Variants in GRIN2D observed in about 807,000 individuals in gnomAD.
GRIN2D encodes the protein glutamate ionotropic receptor NMDA type subunit 2D.
A neutral mutation model predicts 103.2 loss-of-function variants in GRIN2D; 37 were observed. That is an observed-to-expected ratio of 0.36 (90% CI 0.28 to 0.47). GRIN2D has a LOEUF of 0.47. GRIN2D is among the 20% of genes least tolerant of loss of function. The probability of loss-of-function intolerance (pLI) is 1.00; values close to 1 mark genes in which losing one functional copy is unlikely to be tolerated. For missense variants in GRIN2D, 1,557 were observed against 1,910.6 expected (o/e 0.81, Z 3.45); for synonymous variants, 845 against 885.6 (o/e 0.95, Z 0.81).
Position 48,415,023 on chromosome 19 carries a change from G to A in GRIN2D, c.1572G>A (p.Met524Ile). The change falls in exon 7 of 14, where the codon ATG becomes ATA. Residue 524 changes from methionine to isoleucine, a missense_variant. Met to Ile is a conservative substitution (Grantham distance 10, BLOSUM62 1). Transcript: ENST00000263269. ...GKKIDGVWNGMIGEVFYQRAD... is the reference protein window; with the variant it reads ...GKKIDGVWNGIIGEVFYQRAD... The stretch of plus-strand genomic sequence containing the variant: ...AGATCGATGGCGTCTGGAACGGCAT[G>A]ATCGGGGAGGTGAGGGGGCGGACGG... The A allele has an allele frequency of 6.3e-7, 1 of 1,588,242 alleles. No homozygotes were observed. The highest frequency in any genetic ancestry group is 8.6e-7 in the Non-Finnish European group (1 of 1,163,182).
At position 48,414,878 on chromosome 19, in the gene GRIN2D, C is replaced by A; in HGVS notation, c.1427C>A (p.Ala476Asp). ...ACTGCCCGCAGCCCTCCACCGGATG[C>A]CCCCCGCCCGGAAAAGCGCTGCTGC... is the stretch of plus-strand genomic sequence containing the variant. ...LNRTHSPPPD[A>D]PRPEKRCCKG... Residue 476 changes from alanine to aspartate, a missense_variant, in exon 7 of 14, where the codon GCC becomes GAC. This residue lies in a region of GRIN2D where 197 missense variants were observed against 334.1 expected (regional missense o/e 0.59). Transcript: ENST00000263269. The surrounding 1 kb of genome is among the most constrained non-coding windows in gnomAD (Gnocchi z 4.6). 1.9e-6 allele frequency: 3 copies of A among 1,614,016 alleles called. No homozygotes were observed. The highest frequency in any genetic ancestry group is 2.5e-6 in the Non-Finnish European group (3 of 1,179,980).
In GRIN2D at chr19:48,394,557, G is replaced by A. The variant is rs1234513478; in HGVS notation, c.-305-101G>A. On this transcript the variant is annotated intron_variant, in intron 1 of 13. Transcript: ENST00000263269. This position sits in a 1 kb window ranked among gnomAD's most constrained non-coding sequence, Gnocchi z 5.1. ...GGGAGGAGCCGGGGCTGAAGCGGCA[G>A]AGGGGGGCACCCCGGGTGGGCGGAG... Among the ~76,000 whole-genome samples, 2 of 149,464 alleles carry A rather than the reference G, an allele frequency of 1.3e-5. No individual in the cohort carries two copies. The highest frequency in any genetic ancestry group is 3.0e-5 in the Non-Finnish European group (2 of 67,034).
rs752498935 is a variant in GRIN2D, at chr19:48,404,941, C to T, written c.673C>T (p.Pro225Ser). Residue 225 changes from proline to serine, a missense_variant, in exon 4 of 14, where the codon CCT (proline) becomes TCT (serine). By Grantham distance (74) the Pro-to-Ser change is moderately conservative. Coordinates refer to ENST00000263269, the MANE Select transcript of GRIN2D (RefSeq NM_000836.4). ...WEHRGALTLDPGAGEAVLSAQ... is the reference protein window; with the variant it reads ...WEHRGALTLDSGAGEAVLSAQ... ...GCACCGCGGAGCGCTGACGCTGGAC[C>T]CTGGGGCGGGCGAGGCCGTGCTCAG... The T allele has an allele frequency of 1.2e-6, 2 of 1,613,186 alleles. No homozygotes were observed. The highest frequency in any genetic ancestry group is 1.7e-6 in the Non-Finnish European group (2 of 1,179,752).
At chr19:48,426,224 C>CTTTCTTTTTTTTTTTTTTCTT (rs1555893889) in intron 11 of GRIN2D, among the ~76,000 whole-genome samples, 10 of 120,084 alleles carry the variant, frequency 8.3e-5, no homozygotes, top group African/African-American at 3.6e-4. Flanking sequence ...TTCTTTCTTT[C>CTTTCTTTTTTTTTTTTTTCTT]TTTTTTTTTT....
At position 48,443,459 on chromosome 19, in the gene GRIN2D, G is replaced by A; in HGVS notation, c.3533G>A (p.Trp1178Ter). 1 of 1,380,514 alleles carries A rather than the reference G, an allele frequency of 7.2e-7. No homozygotes were observed. Among genetic ancestry groups the A allele is most frequent in the Non-Finnish European group, 9.3e-7 (1 of 1,070,848 alleles). The allele number at this position is 1,380,514 out of a possible 1,614,324, so 85.5% of individuals were successfully genotyped here. The change falls in exon 14 of 14, where the codon TGG becomes TAG. Residue 1178 changes from tryptophan to a stop codon, truncating the protein, a stop_gained. Coordinates refer to ENST00000263269, the MANE Select transcript of GRIN2D (RefSeq NM_000836.4). LOFTEE classifies it high-confidence loss of function. The surrounding 1 kb of genome is among the most constrained non-coding windows in gnomAD (Gnocchi z 8.9). ...YLPPRSGPAAWHCRHCASLEL... is the reference protein window; with the variant it reads ...YLPPRSGPAA The stretch of plus-strand genomic sequence containing the variant: ...CCCCCGCGCAGCGGTCCGGCCGCCT[G>A]GCACTGTCGGCACTGCGCCAGCCTG...
chr19:48,402,115 G>GGAAAGAAA (rs201781099), intron 3 of GRIN2D, among the ~76,000 whole-genome samples: 6,525 of 87,672 alleles, frequency 0.074, 219 homozygotes, highest in Non-Finnish European at 0.079. Context: ...AGAAAGAGAA[G>GGAAAGAAA]GAAAGAAAGA....
Position 48,443,613 on chromosome 19 carries a change from G to A in GRIN2D, c.3687G>A (p.Pro1229=). The change falls in exon 14 of 14, where the codon CCG becomes CCA. Residue 1229 remains proline, a synonymous_variant. Coordinates refer to ENST00000263269, the MANE Select transcript of GRIN2D (RefSeq NM_000836.4). This position sits in a 1 kb window ranked among gnomAD's most constrained non-coding sequence, Gnocchi z 8.9. ...LPRRRARCGC[P]RSHPHRPRAS... Reference sequence around the variant, plus strand: ...GACGCCGGGCCCGCTGCGGGTGCCCGCGGTCGCACCCGCACCGCCCGCGGG... The same window carrying A: ...GACGCCGGGCCCGCTGCGGGTGCCCACGGTCGCACCCGCACCGCCCGCGGG... 1 of 1,105,330 alleles carries A rather than the reference G, an allele frequency of 9.0e-7. No individual in the cohort carries two copies. Among genetic ancestry groups the A allele is most frequent in the Non-Finnish European group, 1.1e-6 (1 of 909,628 alleles). The allele number at this position is 1,105,330 out of a possible 1,614,324, so 68.5% of individuals were successfully genotyped here.
rs1173219939 is a variant in GRIN2D at position 48,441,362 on chromosome 19, C to CAA, written c.2253-385_2253-384dup. Among the ~76,000 whole-genome samples, 580 of 127,260 alleles carry CAA rather than the reference C, an allele frequency of 4.6e-3. 3 individuals carry two copies. The highest frequency in any genetic ancestry group is 0.017 in the African/African-American group (525 of 30,496). The allele number at this position is 127,260 out of a possible 152,430, so 83.5% of individuals were successfully genotyped here. ...TGGGTGACAGAGTGAGACTCTGTCT[C>CAA]AAAAAAAAAAAAAAAAAAAAAAAGA... On this transcript the variant is annotated intron_variant, in intron 11 of 13. Transcript: ENST00000263269.
At position 48,394,202 on chromosome 19, in the gene GRIN2D, T is replaced by C. The variant is rs1356022894; in HGVS notation, c.-306+334T>C. Among the ~76,000 whole-genome samples, 1 of 151,612 alleles carries C rather than the reference T, an allele frequency of 6.6e-6. No homozygotes were observed. The highest frequency in any genetic ancestry group is 2.4e-5 in the African/African-American group (1 of 41,316). On this transcript the variant is annotated intron_variant, in intron 1 of 13. Transcript: ENST00000263269. The surrounding 1 kb of genome is among the most constrained non-coding windows in gnomAD (Gnocchi z 5.1). ...CACTCTGTGTGTGTGTGTCTGTGTG[T>C]GTGTCCCTCCTCAAGCTCTGGGGGT...
chr19:48,444,164 G>A lies in GRIN2D; in HGVS notation c.*227G>A, dbSNP rs928557899. On this transcript the variant is annotated 3_prime_UTR_variant, in exon 14 of 14. Coordinates refer to ENST00000263269, the MANE Select transcript of GRIN2D (RefSeq NM_000836.4). This position sits in a 1 kb window ranked among gnomAD's most constrained non-coding sequence, Gnocchi z 5.5. Reference sequence around the variant, plus strand: ...TGAGAACGAGGGGGCGGGGGCCTTGGAGCCCACCGGACTTTTTTTTAAACC... The same window carrying A: ...TGAGAACGAGGGGGCGGGGGCCTTGAAGCCCACCGGACTTTTTTTTAAACC... 2.3e-5 allele frequency: 9 copies of A among 397,582 alleles called. No individual in the cohort carries two copies. Among genetic ancestry groups the A allele is most frequent in the Admixed American group, 2.2e-4 (5 of 22,254 alleles). 24.6% of individuals were successfully genotyped at this position (397,582 alleles called of 1,614,324 possible). A position where few individuals can be genotyped will look rare whatever the true frequency, so the allele number is the denominator to read the frequency against.
chr19:48,398,378 C>A lies in GRIN2D; in HGVS notation c.-15C>A. 9.0e-7 allele frequency: 1 copy of A among 1,116,994 alleles called. No individual in the cohort carries two copies. Among genetic ancestry groups the A allele is most frequent in the Non-Finnish European group, 1.1e-6 (1 of 915,034 alleles). The allele number at this position is 1,116,994 out of a possible 1,614,324, so 69.2% of individuals were successfully genotyped here. On this transcript the variant is annotated 5_prime_UTR_variant, in exon 3 of 14. Coordinates refer to ENST00000263269, the MANE Select transcript of GRIN2D (RefSeq NM_000836.4). ...GCCCGGGCGCTCAGAGGCCGCCCGG[C>A]GGGGCCCGCAGGCGATGCGCGGCGC...
intron 4 of GRIN2D, among the ~76,000 whole-genome samples, chr19:48,408,056 C>T (rs975273617): frequency 4.6e-5 from 7 of 151,954 alleles, no homozygotes; most frequent in Admixed American, 6.6e-5. Context: ...GGGCGTTGGC[C>T]GGGCGTGGTG....
At chr19:48,429,597 G>A (rs527928123) in intron 11 of GRIN2D, among the ~76,000 whole-genome samples, 5 of 152,004 alleles carry the variant, frequency 3.3e-5, no homozygotes, top group African/African-American at 1.2e-4. Flanking sequence ...ACAGGGTTTC[G>A]CCACGTTGGC....
At chr19:48,402,391 A>T (rs77122826) in intron 3 of GRIN2D, among the ~76,000 whole-genome samples, 1 of 151,074 alleles carries the variant, frequency 6.6e-6, no homozygotes, top group African/African-American at 2.4e-5. Context: ...GAGAGAGAGG[A>T]AAAAAAAGGC....
At chr19:48,402,115 G>GGAAAGAAAGAAAGAAAGAAAGAAAGAAA (rs201781099) in intron 3 of GRIN2D, among the ~76,000 whole-genome samples, 20 of 88,050 alleles carry the variant, frequency 2.3e-4, no homozygotes, top group South Asian at 8.9e-4. Context: ...AGAAAGAGAA[G>GGAAAGAAAGAAAGAAAGAAAGAAAGAAA]GAAAGAAAGA....
Position 48,443,288 on chromosome 19 carries a change from T to A in GRIN2D, c.3362T>A (p.Leu1121Gln). The A allele has an allele frequency of 6.6e-7, 1 of 1,515,570 alleles. No homozygotes were observed. The highest frequency in any genetic ancestry group is 1.2e-5 in the South Asian group (1 of 85,194). The allele number at this position is 1,515,570 out of a possible 1,614,324, so 93.9% of individuals were successfully genotyped here. A position where few individuals can be genotyped will look rare whatever the true frequency, so the allele number is the denominator to read the frequency against. Residue 1121 changes from leucine (L) to glutamine (Q), a missense_variant, in exon 14 of 14, where the codon CTG becomes CAG. Coordinates refer to ENST00000263269, the MANE Select transcript of GRIN2D (RefSeq NM_000836.4). The surrounding 1 kb of genome is among the most constrained non-coding windows in gnomAD (Gnocchi z 8.9). Reference protein sequence around the residue: ...SPSDSEDSESLGGASLGGLEP... With the variant: ...SPSDSEDSESQGGASLGGLEP... Reference sequence around the variant, plus strand: ...TCGGACTCGGAGGACTCGGAGAGCCTGGGCGGCGCGTCGCTGGGCGGCCTG... The same window carrying A: ...TCGGACTCGGAGGACTCGGAGAGCCAGGGCGGCGCGTCGCTGGGCGGCCTG...
At chr19:48,410,714 A>G (rs1433215284) in intron 4 of GRIN2D, among the ~76,000 whole-genome samples, 1 of 151,778 alleles carries the variant, frequency 6.6e-6, no homozygotes, top group Non-Finnish European at 1.5e-5. Flanking sequence ...TGGGGAACAG[A>G]CTGGAGTAGA....
rs1304648309 is a variant in GRIN2D, at chr19:48,444,149, G to C, written c.*212G>C. 4.9e-6 allele frequency: 2 copies of C among 406,956 alleles called. No individual in the cohort carries two copies. The highest frequency in any genetic ancestry group is 8.7e-6 in the Non-Finnish European group (2 of 230,390). The allele number at this position is 406,956 out of a possible 1,614,324, so 25.2% of individuals were successfully genotyped here. On this transcript the variant is annotated 3_prime_UTR_variant, in exon 14 of 14. Transcript: ENST00000263269. This position sits in a 1 kb window ranked among gnomAD's most constrained non-coding sequence, Gnocchi z 5.5. ...AACTATCACCCAGCCTGAGAACGAG[G>C]GGGCGGGGGCCTTGGAGCCCACCGG...
chr19:48,409,239 C>T (rs1371666509), intron 4 of GRIN2D, among the ~76,000 whole-genome samples: 1 of 151,754 alleles, frequency 6.6e-6, no homozygotes, highest in African/African-American at 2.4e-5. Flanking sequence ...CTCCTAATTC[C>T]CAATACCATC....
Sources: gnomAD v4.1 joint callset for allele counts (sites outside exome capture counted in the v4.1 genomes callset) on GRCh38, gnomAD v4.1.1 for gene constraint, gnomAD v4.1.1 regional missense constraint, Gnocchi (gnomAD v3.1) non-coding constraint, MANE v1.5 for transcripts, NCBI Gene and HGNC (gene_info 2026-07-23, HGNC 2026-07-21) for gene names.